Variants in PDE4D observed in about 807,000 individuals in gnomAD.
PDE4D encodes 3',5'-cyclic-AMP phosphodiesterase 4D.
Under a neutral mutation model 87.4 loss-of-function variants are expected in PDE4D, and 24 were observed. The ratio of observed to expected loss-of-function variants is 0.27; its 90% CI spans 0.20 to 0.39. The LOEUF (loss-of-function observed/expected upper bound fraction) is 0.39, where lower values mean the gene tolerates loss of function less well. PDE4D is among the 10% of genes least tolerant of loss of function. The pLI is 1.00. For missense variants in PDE4D, 714 were observed against 1,041.0 expected, an observed-to-expected ratio of 0.69 and a Z score of 4.32; for synonymous variants, 384 against 383.2, an observed-to-expected ratio of 1.00 and a Z score of -0.02.
chr5:59,138,200 T>C (rs908104032), intron 5 of PDE4D, among the ~76,000 whole-genome samples: 1 of 152,268 alleles, frequency 6.6e-6, no homozygotes, highest in Non-Finnish European at 1.5e-5. Context: ...TTTCTCATCA[T>C]AGTATTGATA....
At chr5:59,472,791 C>A (rs932421937) in intron 1 of PDE4D, among the ~76,000 whole-genome samples, 1 of 151,906 alleles carries the variant, frequency 6.6e-6, no homozygotes, top group Non-Finnish European at 1.5e-5. Context: ...AATATTTTTA[C>A]AAAGGGATTA....
chr5:59,122,907 T>C (rs1299093130), intron 5 of PDE4D, among the ~76,000 whole-genome samples: 1 of 152,204 alleles, frequency 6.6e-6, no homozygotes, highest in African/African-American at 2.4e-5. Flanking sequence ...TGAAAAAAAT[T>C]CTATGCCCAC....
At chr5:59,039,303 G>A (rs776612837) in intron 5 of PDE4D, 6 of 1,060,074 alleles carry the variant, frequency 5.7e-6, no homozygotes, top group Non-Finnish European at 6.9e-6. Context: ...CGGCGGGCCC[G>A]AGTCCCAGTC....
intron 2 of PDE4D, among the ~76,000 whole-genome samples, chr5:60,077,472 G>C (rs1181430421): frequency 6.6e-6 from 1 of 152,146 alleles, no homozygotes; most frequent in Non-Finnish European, 1.5e-5. Flanking sequence ...ACTAGAACAG[G>C]AGCTGTAATG....
chr5:59,583,266 G>T (rs1299296879), intron 1 of PDE4D, among the ~76,000 whole-genome samples: 1 of 152,184 alleles, frequency 6.6e-6, no homozygotes, highest in Non-Finnish European at 1.5e-5. Flanking sequence ...CCTGGCATGT[G>T]ATTCCAGGTC....
chr5:60,438,247 G>A (rs1340718353), intron 1 of PDE4D, among the ~76,000 whole-genome samples: 1 of 151,990 alleles, frequency 6.6e-6, no homozygotes, highest in Non-Finnish European at 1.5e-5. Context: ...GATCAAACAA[G>A]GGAGGGAGAG....
chr5:59,398,687 C>T (rs1789973837), intron 1 of PDE4D, among the ~76,000 whole-genome samples: 1 of 116,984 alleles, frequency 8.5e-6, no homozygotes, highest in Non-Finnish European at 1.8e-5. Flanking sequence ...GGGATGCTCT[C>T]TCTCACCACT....
chr5:59,744,189 G>A (rs777575636), intron 1 of PDE4D, among the ~76,000 whole-genome samples: 1 of 152,182 alleles, frequency 6.6e-6, no homozygotes, highest in African/African-American at 2.4e-5. Context: ...TAGTTCTGAT[G>A]CATTAAGTGT....
intron 3 of PDE4D, among the ~76,000 whole-genome samples, chr5:59,969,032 G>A (rs1220902533): frequency 2.0e-5 from 3 of 148,892 alleles, no homozygotes; most frequent in Non-Finnish European, 3.0e-5. Flanking sequence ...GATATAATAT[G>A]TAGTTTCTTT....
At chr5:60,475,059 C>A (rs1021360062) in intron 1 of PDE4D, among the ~76,000 whole-genome samples, 1 of 151,858 alleles carries the variant, frequency 6.6e-6, no homozygotes, top group African/African-American at 2.4e-5. Flanking sequence ...TTTTTAACTC[C>A]TTAGAAAGTT....
intron 1 of PDE4D, among the ~76,000 whole-genome samples, chr5:59,789,221 A>G (rs542621972): frequency 6.6e-6 from 1 of 152,364 alleles, no homozygotes; most frequent in African/African-American, 2.4e-5. Flanking sequence ...TTCCAGGAAG[A>G]AAATTCACAA....
At chr5:60,046,885 A>G (rs1769330720) in intron 2 of PDE4D, among the ~76,000 whole-genome samples, 1 of 152,206 alleles carries the variant, frequency 6.6e-6, no homozygotes, top group African/African-American at 2.4e-5. Flanking sequence ...GCCTCATCAA[A>G]TGAGTTAGGG....
At chr5:60,279,988 T>C (rs1404054416) in intron 1 of PDE4D, among the ~76,000 whole-genome samples, 1 of 152,100 alleles carries the variant, frequency 6.6e-6, no homozygotes, top group Non-Finnish European at 1.5e-5. Context: ...CCCATGTTGT[T>C]GATTTCTTAA....
chr5:59,050,886 G>C (rs1317521607), intron 5 of PDE4D, among the ~76,000 whole-genome samples: 1 of 152,242 alleles, frequency 6.6e-6, no homozygotes, highest in Non-Finnish European at 1.5e-5. Context: ...TCAATCAATA[G>C]TAGGTATACT....
chr5:59,771,435 A>G (rs200579567), intron 1 of PDE4D, among the ~76,000 whole-genome samples: 7,945 of 79,888 alleles, frequency 0.099, 391 homozygotes, highest in Non-Finnish European at 0.14. Flanking sequence ...GAAAAAGAAA[A>G]AGAAAGAAAG....
intron 1 of PDE4D, among the ~76,000 whole-genome samples, chr5:59,362,509 T>TA (rs35895437): frequency 6.6e-6 from 1 of 151,882 alleles, no homozygotes; most frequent in African/African-American, 2.4e-5. Flanking sequence ...TTACAAGATC[T>TA]AAAAAAAATT....
chr5:59,346,964 C>T (rs1779712336), intron 1 of PDE4D, among the ~76,000 whole-genome samples: 1 of 152,112 alleles, frequency 6.6e-6, no homozygotes, highest in South Asian at 2.1e-4. Context: ...CAAATAAAAG[C>T]TTTTCGTCAG....
At chr5:59,317,001 C>CA (rs1393530355) in intron 1 of PDE4D, among the ~76,000 whole-genome samples, 4 of 152,178 alleles carry the variant, frequency 2.6e-5, no homozygotes, top group Admixed American at 6.6e-5. Context: ...GTGGTCTCTC[C>CA]AGAGGTGGGT....
intron 1 of PDE4D, among the ~76,000 whole-genome samples, chr5:59,224,484 T>C (rs1338425670): frequency 6.6e-6 from 1 of 152,164 alleles, no homozygotes; most frequent in Non-Finnish European, 1.5e-5. Context: ...GAGTTTGATG[T>C]CTGGACTATA....
Sources: gnomAD v4.1 joint callset for allele counts (sites outside exome capture counted in the v4.1 genomes callset) on GRCh38, gnomAD v4.1.1 for gene constraint, MANE v1.5 for transcripts, NCBI Gene and HGNC (gene_info 2026-07-23, HGNC 2026-07-21) for gene names.